Variants in FRY observed in about 807,000 individuals in gnomAD.
FRY encodes the protein protein furry homolog.
Under a neutral mutation model 348.4 loss-of-function variants are expected in FRY, and 128 were observed. That is an observed-to-expected ratio of 0.37 (90% CI 0.32 to 0.43). The LOEUF is 0.43. Among genes scored for constraint, FRY ranks in the 20% least tolerant of loss-of-function variants. FRY has a pLI of 1.00. For synonymous variants in FRY, 1,370 were observed against 1,374.7 expected, an observed-to-expected ratio of 1.00 and a Z score of 0.08; for missense variants, 2,736 against 3,695.2, an observed-to-expected ratio of 0.74 and a Z score of 6.73.
chr13:32,191,409 A>G (rs1367818268), intron 28 of FRY, among the ~76,000 whole-genome samples: 1 of 152,178 alleles, frequency 6.6e-6, no homozygotes, highest in Non-Finnish European at 1.5e-5. Context: ...CTTATCTAGA[A>G]TATATAAAGG....
intron 2 of FRY, among the ~76,000 whole-genome samples, chr13:32,086,413 A>G (rs1875864972): frequency 6.6e-6 from 1 of 152,226 alleles, no homozygotes; most frequent in South Asian, 2.1e-4. Flanking sequence ...AGTGTATAAA[A>G]CAAATGAAAT....
At chr13:32,161,087 T>C in intron 16 of FRY, 57 bp from the exon 17 acceptor site, 1 of 1,118,268 alleles carries the variant, frequency 8.9e-7, no homozygotes, top group Non-Finnish European at 1.4e-6. Context: ...TTAATTCATT[T>C]TGTTTTTATT....
Position 32,249,529 on chromosome 13 carries a change from C to G in FRY, c.7012C>G (p.Pro2338Ala). The change falls in exon 49 of 61, where the codon CCA becomes GCA. Residue 2338 changes from proline (P) to alanine (A), a missense_variant. Physicochemically the swap from Pro to Ala is conservative, Grantham distance 27. Around this residue, in one of 9 missense-constraint regions of FRY, gnomAD observed 789 missense variants for 996.2 expected, o/e 0.79. Transcript: ENST00000542859. ...GTGCGTTTGTCTTCTTCTCAAGACT[C>G]CAATCATCGGGAGGCGGTATGATGA... is the stretch of plus-strand genomic sequence containing the variant. ...LDFHFDISET[P>A]IIGRRYDELQ... is the part of the protein sequence containing the mutation. The G allele has an allele frequency of 1.9e-6, 3 of 1,614,132 alleles. No individual in the cohort carries two copies. The highest frequency in any genetic ancestry group is 4.5e-5 in the East Asian group (2 of 44,884).
At chr13:32,096,284 A>G (rs1441043151) in intron 2 of FRY, among the ~76,000 whole-genome samples, 1 of 152,178 alleles carries the variant, frequency 6.6e-6, no homozygotes, top group Non-Finnish European at 1.5e-5. Flanking sequence ...ATACAGTTAT[A>G]GTCAGCCATT....
chr13:32,147,145 G>C, intron 11 of FRY, 137 bp from the exon 12 acceptor site: 1 of 655,072 alleles, frequency 1.5e-6, no homozygotes. Context: ...TAAGTCCCAG[G>C]TGATGCAATG....
intron 3 of FRY, among the ~76,000 whole-genome samples, chr13:32,103,014 C>T (rs1284124605): frequency 6.6e-6 from 1 of 152,164 alleles, no homozygotes; most frequent in East Asian, 1.9e-4. Flanking sequence ...CCTGGCTGTA[C>T]AAATTTAGAC....
At chr13:32,062,792 A>G (rs934455895) in intron 1 of FRY, among the ~76,000 whole-genome samples, 2 of 152,140 alleles carry the variant, frequency 1.3e-5, no homozygotes, top group Non-Finnish European at 2.9e-5. Context: ...CTTCTGTTGT[A>G]AACACTGTAC....
At chr13:32,193,259 G>A (rs1194771179) in intron 28 of FRY, among the ~76,000 whole-genome samples, 1 of 151,350 alleles carries the variant, frequency 6.6e-6, no homozygotes, top group East Asian at 1.9e-4. Context: ...TGAAAGATAG[G>A]CCACTAAGCT....
chr13:32,273,299 G>C (rs1888303898), intron 55 of FRY, among the ~76,000 whole-genome samples: 1 of 145,832 alleles, frequency 6.9e-6, no homozygotes, highest in South Asian at 2.1e-4. Flanking sequence ...TCGGCTCACT[G>C]CAGGCTCCGC....
chr13:32,257,183 T>C (rs1377945596), intron 51 of FRY, among the ~76,000 whole-genome samples: 1 of 152,202 alleles, frequency 6.6e-6, no homozygotes, highest in East Asian at 1.9e-4. Flanking sequence ...AACCTCTACC[T>C]GCCTGTAGAG....
intron 41 of FRY, among the ~76,000 whole-genome samples, chr13:32,232,772 G>A (rs1372640476): frequency 6.6e-6 from 1 of 152,160 alleles, no homozygotes; most frequent in Non-Finnish European, 1.5e-5. Context: ...AGGAAGACTG[G>A]GAAGTATAGA....
At chr13:32,082,866 GT>G (rs1279369132) in intron 2 of FRY, among the ~76,000 whole-genome samples, 2 of 151,900 alleles carry the variant, frequency 1.3e-5, no homozygotes, top group Non-Finnish European at 2.9e-5. Context: ...TACTTTTATA[GT>G]TTTTTTCTTT....
chr13:32,096,769 A>G (rs1022299799), intron 2 of FRY, among the ~76,000 whole-genome samples: 2 of 134,136 alleles, frequency 1.5e-5, no homozygotes, highest in African/African-American at 5.6e-5. Flanking sequence ...TGCCACTGCC[A>G]TTCAGCCTGG....
intron 2 of FRY, among the ~76,000 whole-genome samples, chr13:32,092,140 A>T (rs565607295): frequency 4.1e-4 from 63 of 152,344 alleles, no homozygotes; most frequent in African/African-American, 1.5e-3. Context: ...ATGTAAACAC[A>T]TTTTTAAAAA....
intron 7 of FRY, 149 bp from the exon 8 acceptor site, chr13:32,131,523 C>T (rs888658745): frequency 1.5e-6 from 1 of 654,278 alleles, no homozygotes; most frequent in Non-Finnish European, 2.7e-6. Context: ...AAATCCCAAA[C>T]ACCAAATCCT....
intron 59 of FRY, 143 bp downstream of exon 59, chr13:32,289,886 T>C (rs1294304831): frequency 1.5e-6 from 1 of 685,726 alleles, no homozygotes; most frequent in Admixed American, 2.0e-5. Flanking sequence ...GAAATAAACA[T>C]GTCTTGTATG....
intron 57 of FRY, 50 bp from the exon 58 acceptor site, chr13:32,278,415 T>A (rs775670048): frequency 3.0e-5 from 28 of 946,354 alleles, no homozygotes; most frequent in Non-Finnish European, 4.6e-5. Context: ...CCAAAAATGT[T>A]CTCAGAACAT....
At chr13:32,164,563 G>T (rs1881624913) in intron 17 of FRY, among the ~76,000 whole-genome samples, 1 of 152,138 alleles carries the variant, frequency 6.6e-6, no homozygotes, top group African/African-American at 2.4e-5. Context: ...CTGGAAAACT[G>T]CCTTCTTCAA....
At chr13:32,050,549 G>A (rs1241399082) in intron 1 of FRY, among the ~76,000 whole-genome samples, 1 of 152,096 alleles carries the variant, frequency 6.6e-6, no homozygotes, top group African/African-American at 2.4e-5. Context: ...AACCCTTCTA[G>A]GAGAAAATGT....
Sources: allele counts gnomAD v4.1 joint callset (sites outside exome capture counted in the v4.1 genomes callset), GRCh38; gene constraint gnomAD v4.1.1; regional missense constraint gnomAD v4.1.1; transcripts MANE v1.5; gene names NCBI Gene and HGNC (gene_info 2026-07-23, HGNC 2026-07-21).